The following GPRC5A variants were observed in gnomAD, a reference collection of about 807,000 sequenced individuals.
GPRC5A encodes the protein G protein-coupled receptor class C group 5 member A.
Under a neutral mutation model 22.5 loss-of-function variants are expected in GPRC5A, and 19 were observed. That is an observed-to-expected ratio of 0.85 (90% CI 0.59 to 1.24). The LOEUF (loss-of-function observed/expected upper bound fraction) is 1.24. Among genes scored for constraint, GPRC5A ranks in the 50% most tolerant of loss-of-function variants. The pLI, the probability that GPRC5A is intolerant of heterozygous loss-of-function variation, is 0.00. For missense variants in GPRC5A, 471 were observed against 451.1 expected, an observed-to-expected ratio of 1.04 and a Z score of -0.40; for synonymous variants, 192 against 184.5, an observed-to-expected ratio of 1.04 and a Z score of -0.33.
rs1864012379 is a variant in GPRC5A, at chr12:12,912,152, T to C, written c.981+10T>C. ...ACATTTTCAGCTGCAGGTAAGTGAT[T>C]TTTTTCTCCCTCTTCATCAAAGGCA... On this transcript the variant is annotated intron_variant, in intron 3 of 3. Coordinates refer to ENST00000014914, the MANE Select transcript of GPRC5A (RefSeq NM_003979.4). 1 of 1,593,850 alleles carries C rather than the reference T, an allele frequency of 6.3e-7. No individual in the cohort carries two copies.
At chr12:12,897,407 A>T (rs1770373482) in intron 1 of GPRC5A, among the ~76,000 whole-genome samples, 1 of 151,922 alleles carries the variant, frequency 6.6e-6, no homozygotes, top group Admixed American at 6.6e-5. Flanking sequence ...GGCAAAGAGC[A>T]TGAGAAGACC....
Position 12,908,872 on chromosome 12 carries a change from G to T in GPRC5A, c.623G>T (p.Arg208Ile). 6.2e-7 allele frequency: 1 copy of T among 1,614,186 alleles called. No individual in the cohort carries two copies. ...TGTGGTTCCTTCACGGGCTGGAAGA[G>T]ACATGGGGCCCACATCTACCTCACG... ...TFCGSFTGWK[R>I]HGAHIYLTML... The change falls in exon 2 of 4, where the codon AGA becomes ATA. Residue 208 changes from arginine (R) to isoleucine (I), a missense_variant. By Grantham distance (97) the Arg-to-Ile change is moderately conservative. Coordinates refer to ENST00000014914, the MANE Select transcript of GPRC5A (RefSeq NM_003979.4).
chr12:12,899,311 T>C (rs944339324), intron 1 of GPRC5A, among the ~76,000 whole-genome samples: 8 of 152,160 alleles, frequency 5.3e-5, no homozygotes, highest in African/African-American at 9.7e-5. Flanking sequence ...AGTACTGGGA[T>C]TACAGGCGTA....
At chr12:12,899,727 CTG>C (rs2136457036) in intron 1 of GPRC5A, among the ~76,000 whole-genome samples, 1 of 152,252 alleles carries the variant, frequency 6.6e-6, no homozygotes, top group Non-Finnish European at 1.5e-5. Context: ...TACATCATGA[CTG>C]TTATTACTAC....
intron 3 of GPRC5A, 142 bp downstream of exon 3, chr12:12,912,284 C>T: frequency 4.7e-6 from 4 of 858,700 alleles, no homozygotes; most frequent in Non-Finnish European, 8.0e-6. Context: ...CTCTAAGCGG[C>T]CTCACGGGGT....
At position 12,914,154 on chromosome 12, in the gene GPRC5A, A is replaced by T. The variant is rs1864034694; in HGVS notation, c.*1615A>T. 6.6e-6 allele frequency: 1 copy of T among 152,492 alleles called. No homozygotes were observed. The highest frequency in any genetic ancestry group is 2.1e-4 in the South Asian group (1 of 4,826). 9.4% of individuals were successfully genotyped at this position (152,492 alleles called of 1,614,324 possible). A position where few individuals can be genotyped will look rare whatever the true frequency, so the allele number is the denominator to read the frequency against. On this transcript the variant is annotated 3_prime_UTR_variant, in exon 4 of 4. Coordinates refer to ENST00000014914, the MANE Select transcript of GPRC5A (RefSeq NM_003979.4). Reference sequence around the variant, plus strand: ...GAAAAAAAATAATCCCTCTACATAGAAACTGAGTGACATGTAAAAATGTGT... The same window carrying T: ...GAAAAAAAATAATCCCTCTACATAGTAACTGAGTGACATGTAAAAATGTGT...
rs553492822 is a variant in GPRC5A at position 12,892,614 on chromosome 12, G to T, written c.-8+950G>T. Among the ~76,000 whole-genome samples, 13 of 152,160 alleles carry T rather than the reference G, an allele frequency of 8.5e-5. No homozygotes were observed. The South Asian group carries it at 2.5e-3, about 29-fold the overall frequency. ...ACTCCCGACCTAAGGTGATCTGCCCGCCTCAGCCTCCCAAAGTGCTGGGAT... is the reference window on the plus strand; with the variant it reads ...ACTCCCGACCTAAGGTGATCTGCCCTCCTCAGCCTCCCAAAGTGCTGGGAT... On this transcript the variant is annotated intron_variant, in intron 1 of 3. Transcript: ENST00000014914.
intron 1 of GPRC5A, among the ~76,000 whole-genome samples, chr12:12,900,973 C>T (rs1250157520): frequency 1.3e-5 from 2 of 151,734 alleles, no homozygotes; most frequent in Admixed American, 1.3e-4. Flanking sequence ...CCAAAAACCC[C>T]TTTCTTTCAT....
intron 1 of GPRC5A, among the ~76,000 whole-genome samples, chr12:12,896,772 C>T (rs1214101988): frequency 6.6e-6 from 1 of 152,164 alleles, no homozygotes; most frequent in African/African-American, 2.4e-5. Context: ...CGCCACCTTC[C>T]TATCTTCCTA....
intron 1 of GPRC5A, among the ~76,000 whole-genome samples, chr12:12,897,492 G>A (rs910169692): frequency 7.9e-5 from 12 of 152,108 alleles, no homozygotes; most frequent in Admixed American, 7.2e-4. Context: ...GCACGGAGGT[G>A]GAGACGGGAG....
rs550124022 is a variant in GPRC5A at position 12,912,066 on chromosome 12, C to T, written c.923-18C>T. On this transcript the variant is annotated intron_variant, in intron 2 of 3. Coordinates refer to ENST00000014914, the MANE Select transcript of GPRC5A (RefSeq NM_003979.4). Reference sequence around the variant, plus strand: ...TGGGGGCCCCAGTGGTTTAATTTCTCCTGTTCCTCCATTTCAGGTTTTGAA... The same window carrying T: ...TGGGGGCCCCAGTGGTTTAATTTCTTCTGTTCCTCCATTTCAGGTTTTGAA... The T allele has an allele frequency of 5.6e-6, 9 of 1,596,778 alleles. No individual in the cohort carries two copies. In the African/African-American group the frequency reaches 1.1e-4, roughly 19 times the overall value.
chr12:12,899,235 C>G (rs1555104526), intron 1 of GPRC5A, among the ~76,000 whole-genome samples: 1 of 152,126 alleles, frequency 6.6e-6, no homozygotes, highest in Non-Finnish European at 1.5e-5. Flanking sequence ...GGGGGTCTCA[C>G]TATGCTGCCC....
Position 12,915,966 on chromosome 12 carries a change from A to T in GPRC5A, c.*3427A>T. The T allele has an allele frequency of 2.2e-6, 1 of 461,220 alleles. No individual in the cohort carries two copies. Among genetic ancestry groups the T allele is most frequent in the Admixed American group, 2.5e-5 (1 of 40,574 alleles). 28.6% of individuals were successfully genotyped at this position (461,220 alleles called of 1,614,324 possible). ...CCCTCCTCCCACTGCTGCGGCTGTT[A>T]ACTCATCTTCAGGTCTCACACCTTC... On this transcript the variant is annotated 3_prime_UTR_variant, in exon 4 of 4. Transcript: ENST00000014914.
At chr12:12,911,353 C>A (rs1408055605) in intron 2 of GPRC5A, among the ~76,000 whole-genome samples, 1 of 152,168 alleles carries the variant, frequency 6.6e-6, no homozygotes, top group East Asian at 1.9e-4. Context: ...CCTGCCTCTT[C>A]CCAATGAAAA....
chr12:12,911,116 C>T (rs868350974), intron 2 of GPRC5A, among the ~76,000 whole-genome samples: 18 of 152,090 alleles, frequency 1.2e-4, no homozygotes, highest in African/African-American at 4.1e-4. Flanking sequence ...CATGATCCGC[C>T]CGCCTAGGCC....
At chr12:12,911,224 A>C (rs1864000621) in intron 2 of GPRC5A, among the ~76,000 whole-genome samples, 1 of 152,032 alleles carries the variant, frequency 6.6e-6, no homozygotes, top group South Asian at 2.1e-4. Context: ...TGGGCCCATA[A>C]ATTTGGTGGG....
At position 12,912,493 on chromosome 12, in the gene GPRC5A, G is replaced by A. The variant is rs1482205994; in HGVS notation, c.1028G>A (p.Trp343Ter). Residue 343 changes from tryptophan (W) to a stop codon, truncating the protein, a stop_gained, in exon 4 of 4, where the codon TGG becomes TAG. Transcript: ENST00000014914. LOFTEE classifies it high-confidence loss of function. ...KEFSIPRAHAWPSPYKDYEVK... is the reference protein window; with the variant it reads ...KEFSIPRAHA ...TTCTCCATCCCACGGGCCCACGCTT[G>A]GCCGAGCCCTTACAAAGACTATGAA... 3 of 1,613,154 alleles carry A rather than the reference G, an allele frequency of 1.9e-6. No individual in the cohort carries two copies. Among genetic ancestry groups the A allele is most frequent in the Non-Finnish European group, 1.7e-6 (2 of 1,179,084 alleles).
rs554666375 is a variant in GPRC5A, at chr12:12,917,773, G to A, written c.*5234G>A. 2 of 152,172 alleles carry A rather than the reference G, an allele frequency of 1.3e-5. No individual in the cohort carries two copies. Among genetic ancestry groups the A allele is most frequent in the African/African-American group, 4.8e-5 (2 of 41,424 alleles). The allele number at this position is 152,172 out of a possible 1,614,324, so 9.4% of individuals were successfully genotyped here. ...GAGGGATTGCAAAGCAAGGCAAAGC[G>A]TTCTGTCTTCATTTTCCCCATCCCC... On this transcript the variant is annotated 3_prime_UTR_variant, in exon 4 of 4. Coordinates refer to ENST00000014914, the MANE Select transcript of GPRC5A (RefSeq NM_003979.4).
intron 1 of GPRC5A, among the ~76,000 whole-genome samples, chr12:12,903,054 T>G (rs951725694): frequency 1.2e-4 from 18 of 151,488 alleles, no homozygotes; most frequent in African/African-American, 4.4e-4. Flanking sequence ...GCAACGGGAG[T>G]GAAACTCCGT....
Sources: allele counts gnomAD v4.1 joint callset (sites outside exome capture counted in the v4.1 genomes callset), GRCh38; gene constraint gnomAD v4.1.1; transcripts MANE v1.5; gene names NCBI Gene and HGNC (gene_info 2026-07-23, HGNC 2026-07-21).